The following NDUFS4 variants were observed in gnomAD, a reference collection of about 807,000 sequenced individuals.
NDUFS4 encodes NADH:ubiquinone oxidoreductase subunit S4, also known as NADH dehydrogenase [ubiquinone] iron-sulfur protein 4, mitochondrial.
In NDUFS4, 28 loss-of-function variants were observed where a neutral mutation model predicts 24.3. The observed-to-expected ratio is 1.15, with a 90% CI of 0.85 to 1.58. NDUFS4 has a LOEUF of 1.58. Among genes scored for constraint, NDUFS4 ranks in the 40% most tolerant of loss-of-function variants. The pLI, the probability that NDUFS4 is intolerant of heterozygous loss-of-function variation, is 0.00. For missense variants in NDUFS4, 223 were observed against 207.9 expected, an observed-to-expected ratio of 1.07 and a Z score of -0.45; for synonymous variants, 93 against 69.7, an observed-to-expected ratio of 1.34 and a Z score of -1.67.
intron 4 of NDUFS4, among the ~76,000 whole-genome samples, chr5:53,677,239 A>G (rs1458636162): frequency 6.6e-6 from 1 of 152,224 alleles, no homozygotes; most frequent in Non-Finnish European, 1.5e-5. Context: ...ATTTGAAAAG[A>G]TAAAATTTCA....
intron 3 of NDUFS4, among the ~76,000 whole-genome samples, chr5:53,647,266 G>T (rs1223012642): frequency 1.3e-5 from 2 of 152,044 alleles, no homozygotes; most frequent in Admixed American, 6.6e-5. Flanking sequence ...AGGCTGGAGT[G>T]CAGTGATGTG....
At chr5:53,597,885 ATAAT>A (rs1376103099) in intron 1 of NDUFS4, among the ~76,000 whole-genome samples, 1 of 152,246 alleles carries the variant, frequency 6.6e-6, no homozygotes, top group African/African-American at 2.4e-5. Flanking sequence ...CAGTTAACAA[ATAAT>A]TCTTAAAATT....
At chr5:53,591,483 C>T (rs72751838) in intron 1 of NDUFS4, among the ~76,000 whole-genome samples, 17,123 of 128,430 alleles carry the variant, frequency 0.13, 1,402 homozygotes, top group Middle Eastern at 0.23. Flanking sequence ...GTGATAATAA[C>T]TATCGTAATA....
chr5:53,658,955 G>A (rs1475261796), intron 4 of NDUFS4, among the ~76,000 whole-genome samples: 2 of 152,020 alleles, frequency 1.3e-5, no homozygotes, highest in Non-Finnish European at 2.9e-5. Flanking sequence ...AACATATATG[G>A]CAGCCTATTC....
chr5:53,637,503 A>G (rs1397722011), intron 2 of NDUFS4, among the ~76,000 whole-genome samples: 1 of 152,212 alleles, frequency 6.6e-6, no homozygotes, highest in African/African-American at 2.4e-5. Context: ...AAAAATAAGA[A>G]TACTTGCTTA....
intron 4 of NDUFS4, among the ~76,000 whole-genome samples, chr5:53,663,618 G>C (rs1447235273): frequency 6.6e-6 from 1 of 152,094 alleles, no homozygotes; most frequent in Non-Finnish European, 1.5e-5. Flanking sequence ...ATCTTTGCTG[G>C]TTTAAAGTCT....
At chr5:53,681,522 A>G (rs1740665134) in intron 4 of NDUFS4, among the ~76,000 whole-genome samples, 1 of 152,138 alleles carries the variant, frequency 6.6e-6, no homozygotes. Context: ...AAATGGAGAT[A>G]ACTACTTGTT....
chr5:53,608,910 A>G (rs1046608699), intron 2 of NDUFS4, among the ~76,000 whole-genome samples: 1 of 152,234 alleles, frequency 6.6e-6, no homozygotes, highest in Non-Finnish European at 1.5e-5. Context: ...ATGTTTAAGT[A>G]TAAGTTACTG....
intron 1 of NDUFS4, among the ~76,000 whole-genome samples, chr5:53,580,807 CCCTTT>C (rs1749544861): frequency 1.4e-5 from 2 of 143,728 alleles, no homozygotes; most frequent in African/African-American, 2.6e-5. Flanking sequence ...CTCTTTCTTT[CCCTTT>C]CTTTTCTTTT....
At chr5:53,681,243 C>T (rs534135839) in intron 4 of NDUFS4, among the ~76,000 whole-genome samples, 35 of 152,164 alleles carry the variant, frequency 2.3e-4, no homozygotes, top group Middle Eastern at 3.4e-3. Flanking sequence ...TGATTCTGCC[C>T]CTTCTTTGCT....
At chr5:53,616,193 A>G (rs1750833386) in intron 2 of NDUFS4, among the ~76,000 whole-genome samples, 1 of 150,912 alleles carries the variant, frequency 6.6e-6, no homozygotes, top group Non-Finnish European at 1.5e-5. Context: ...GTAAAATATT[A>G]TTATCCTTTC....
intron 3 of NDUFS4, among the ~76,000 whole-genome samples, chr5:53,648,446 C>T (rs777936585): frequency 5.3e-5 from 8 of 152,176 alleles, no homozygotes; most frequent in Non-Finnish European, 7.4e-5. Flanking sequence ...TAATCTTGCT[C>T]TAATGGGTTG....
Position 53,676,968 on chromosome 5 carries a change from C to T in NDUFS4, c.425-6150C>T, listed in dbSNP as rs1255531161. ...TTATATATGGTGGCTTACTGACGTT[C>T]CTGGTATATTATAGGTTAAATAGGA... On this transcript the variant is annotated intron_variant, in intron 4 of 4. Coordinates refer to ENST00000296684, the MANE Select transcript of NDUFS4 (RefSeq NM_002495.4). Among the ~76,000 whole-genome samples, 5 of 152,122 alleles carry T rather than the reference C, an allele frequency of 3.3e-5. No individual in the cohort carries two copies. The East Asian group carries it at 7.7e-4, about 24-fold the overall frequency.
At chr5:53,639,968 T>C (rs527679767) in intron 2 of NDUFS4, among the ~76,000 whole-genome samples, 2 of 152,154 alleles carry the variant, frequency 1.3e-5, no homozygotes, top group Non-Finnish European at 2.9e-5. Flanking sequence ...ATTTTTCTTA[T>C]GGAGGCTGTG....
rs201916491 is a variant in NDUFS4, at chr5:53,600,601, G to A, written c.99-2851G>A. 9.8e-5 allele frequency among the ~76,000 whole-genome samples: 15 copies of A among 152,294 alleles called. No homozygotes were observed. The East Asian group carries it at 1.9e-3, about 20-fold the overall frequency. ...TGGGATTACAGGCGTGAGCCACTGC[G>A]CCCAGCCCGGTAGGTATAATTTATT... On this transcript the variant is annotated intron_variant, in intron 1 of 4. Coordinates refer to ENST00000296684, the MANE Select transcript of NDUFS4 (RefSeq NM_002495.4).
At chr5:53,598,917 G>T (rs1750219357) in intron 1 of NDUFS4, among the ~76,000 whole-genome samples, 1 of 152,052 alleles carries the variant, frequency 6.6e-6, no homozygotes, top group Non-Finnish European at 1.5e-5. Flanking sequence ...TTATCCTTTG[G>T]GCTGAGAATT....
intron 1 of NDUFS4, among the ~76,000 whole-genome samples, chr5:53,567,680 A>G (rs1276673064): frequency 1.3e-5 from 2 of 152,078 alleles, no homozygotes; most frequent in African/African-American, 4.8e-5. Flanking sequence ...CTGCTTTTTA[A>G]TAGTGTTATA....
At chr5:53,639,889 A>G (rs1277209613) in intron 2 of NDUFS4, among the ~76,000 whole-genome samples, 1 of 152,100 alleles carries the variant, frequency 6.6e-6, no homozygotes, top group Admixed American at 6.6e-5. Flanking sequence ...TTACATCTCA[A>G]AGGCACAGAA....
chr5:53,592,359 A>G (rs954421302), intron 1 of NDUFS4, among the ~76,000 whole-genome samples: 1 of 152,072 alleles, frequency 6.6e-6, no homozygotes, highest in African/African-American at 2.4e-5. Context: ...TCATTCTTTT[A>G]ATATTAATAG....
Sources: gnomAD v4.1 joint callset for allele counts (sites outside exome capture counted in the v4.1 genomes callset) on GRCh38, gnomAD v4.1.1 for gene constraint, MANE v1.5 for transcripts, NCBI Gene and HGNC (gene_info 2026-07-23, HGNC 2026-07-21) for gene names.